The following DLGAP2 variants were observed in gnomAD, a reference collection of about 807,000 sequenced individuals.
DLGAP2 encodes the protein disks large-associated protein 2.
A neutral mutation model predicts 100.3 loss-of-function variants in DLGAP2; 26 were observed. That is an observed-to-expected ratio of 0.26 (90% CI 0.19 to 0.36). DLGAP2 has a LOEUF of 0.36. Among genes scored for constraint, DLGAP2 ranks in the 10% least tolerant of loss-of-function variants. DLGAP2 has a pLI of 1.00. For missense variants in DLGAP2, 1,858 were observed against 1,453.2 expected (o/e 1.28, Z -4.53); for synonymous variants, 886 against 630.1 (o/e 1.41, Z -6.08).
intron 4 of DLGAP2, among the ~76,000 whole-genome samples, chr8:1,504,783 G>T (rs1025095352): frequency 6.6e-6 from 1 of 152,174 alleles, no homozygotes; most frequent in African/African-American, 2.4e-5. Context: ...CTGCTGATGG[G>T]CTTGAGGTTG....
intron 2 of DLGAP2, among the ~76,000 whole-genome samples, chr8:1,027,736 G>C (rs1294272423): frequency 7.7e-6 from 1 of 129,424 alleles, no homozygotes. Flanking sequence ...TCTCCAGGTG[G>C]GGTGTCAGGC....
intron 2 of DLGAP2, among the ~76,000 whole-genome samples, chr8:1,246,600 C>T (rs1482835858): frequency 2.0e-5 from 3 of 152,188 alleles, no homozygotes; most frequent in African/African-American, 7.2e-5. Flanking sequence ...ACTAGGAAAT[C>T]CTAAACTTAC....
chr8:1,632,803 C>T lies in DLGAP2; in HGVS notation c.1591-24C>T, dbSNP rs377087907. 7 of 1,581,436 alleles carry T rather than the reference C, an allele frequency of 4.4e-6. No individual in the cohort carries two copies. In the African/African-American group the frequency reaches 9.4e-5, roughly 21 times the overall value. ...TGGTGACCCTGGAGGGCCGGGGCAT[C>T]ACGTGTGCTGTTGATGATTGCAGGT... On this transcript the variant is annotated intron_variant, in intron 7 of 14. Coordinates refer to ENST00000637795, the MANE Select transcript of DLGAP2 (RefSeq NM_001346810.2).
At chr8:773,810 A>G (rs1253359405) in intron 1 of DLGAP2, among the ~76,000 whole-genome samples, 3 of 152,178 alleles carry the variant, frequency 2.0e-5, no homozygotes, top group East Asian at 1.9e-4. Context: ...ATAAACATAC[A>G]TGTGCATGTG....
At chr8:1,139,247 C>T (rs2129050255) in intron 2 of DLGAP2, among the ~76,000 whole-genome samples, 1 of 152,330 alleles carries the variant, frequency 6.6e-6, no homozygotes, top group South Asian at 2.1e-4. Flanking sequence ...CCTCGTTGCC[C>T]CTGTGTTCTC....
At chr8:1,246,618 G>C (rs1181610030) in intron 2 of DLGAP2, among the ~76,000 whole-genome samples, 1 of 152,226 alleles carries the variant, frequency 6.6e-6, no homozygotes, top group Non-Finnish European at 1.5e-5. Context: ...TACCACCCAA[G>C]TTTAGTGAAG....
chr8:787,613 C>G (rs982053599), intron 1 of DLGAP2, among the ~76,000 whole-genome samples: 1 of 152,160 alleles, frequency 6.6e-6, no homozygotes, highest in Non-Finnish European at 1.5e-5. Flanking sequence ...CTGGCAGCGC[C>G]CGGAGTCAGG....
At chr8:1,278,026 A>G (rs1184481925) in intron 3 of DLGAP2, among the ~76,000 whole-genome samples, 4 of 152,224 alleles carry the variant, frequency 2.6e-5, no homozygotes, top group African/African-American at 2.4e-5. Flanking sequence ...CATCATTGTC[A>G]GTAACAGCTT....
At chr8:908,728 A>G (rs979602790) in intron 2 of DLGAP2, among the ~76,000 whole-genome samples, 3 of 152,242 alleles carry the variant, frequency 2.0e-5, no homozygotes, top group Non-Finnish European at 4.4e-5. Flanking sequence ...TGAGGAAAGT[A>G]TGGAGAAGAT....
intron 2 of DLGAP2, among the ~76,000 whole-genome samples, chr8:1,256,032 C>G (rs112869402): frequency 1.4e-5 from 1 of 72,822 alleles, no homozygotes; most frequent in Non-Finnish European, 2.7e-5. Context: ...CTCTCCTGCC[C>G]GGGTGCTGTG....
intron 4 of DLGAP2, among the ~76,000 whole-genome samples, chr8:1,543,355 T>G (rs1801426545): frequency 6.6e-6 from 1 of 152,234 alleles, no homozygotes; most frequent in Non-Finnish European, 1.5e-5. Context: ...CCACTTTGAG[T>G]TCATTTTTGC....
intron 3 of DLGAP2, among the ~76,000 whole-genome samples, chr8:1,286,969 C>G (rs1372562760): frequency 6.6e-6 from 1 of 152,338 alleles, no homozygotes; most frequent in East Asian, 1.9e-4. Flanking sequence ...AGTTATAAAC[C>G]TTAGCAAATT....
At chr8:1,635,936 C>G (rs924872196) in intron 8 of DLGAP2, among the ~76,000 whole-genome samples, 1 of 152,184 alleles carries the variant, frequency 6.6e-6, no homozygotes, top group Non-Finnish European at 1.5e-5. Context: ...GAGACAGACC[C>G]TTTTAATCTA....
intron 1 of DLGAP2, among the ~76,000 whole-genome samples, chr8:886,068 C>A (rs372483435): frequency 3.0e-4 from 45 of 152,274 alleles, no homozygotes; most frequent in African/African-American, 1.1e-3. Context: ...ATTACTGCCT[C>A]AATTTCAGAG....
chr8:804,755 C>T (rs1438121913), intron 1 of DLGAP2, among the ~76,000 whole-genome samples: 2 of 152,088 alleles, frequency 1.3e-5, no homozygotes, highest in Non-Finnish European at 2.9e-5. Flanking sequence ...AAGTTAATAT[C>T]ACTTCTTTTT....
intron 1 of DLGAP2, among the ~76,000 whole-genome samples, chr8:894,805 T>C (rs936126208): frequency 3.4e-5 from 1 of 29,126 alleles, no homozygotes; most frequent in Non-Finnish European, 6.0e-5. Flanking sequence ...GACAGCAGAG[T>C]GGTGGCTGGC....
chr8:1,644,459 G>T (rs1797992134), intron 8 of DLGAP2, among the ~76,000 whole-genome samples: 1 of 152,194 alleles, frequency 6.6e-6, no homozygotes, highest in Non-Finnish European at 1.5e-5. Context: ...CTGCTCGTCG[G>T]CCCGCAGTTT....
chr8:1,490,261 A>C (rs1356874107), intron 3 of DLGAP2, among the ~76,000 whole-genome samples: 1 of 152,184 alleles, frequency 6.6e-6, no homozygotes, highest in African/African-American at 2.4e-5. Flanking sequence ...ACCCAGAACA[A>C]GTGTCAGCAA....
At chr8:1,004,651 G>T (rs1021368883) in intron 2 of DLGAP2, among the ~76,000 whole-genome samples, 15 of 152,148 alleles carry the variant, frequency 9.9e-5, no homozygotes, top group African/African-American at 3.1e-4. Flanking sequence ...TCACAGCTTA[G>T]AAGTGGTTAC....
Sources: allele counts gnomAD v4.1 joint callset (sites outside exome capture counted in the v4.1 genomes callset), GRCh38; gene constraint gnomAD v4.1.1; transcripts MANE v1.5; gene names NCBI Gene and HGNC (gene_info 2026-07-23, HGNC 2026-07-21).